Variants in RBFOX3 observed in about 807,000 individuals in gnomAD.
RBFOX3 encodes RNA binding protein fox-1 homolog 3.
Under a neutral mutation model 48.7 loss-of-function variants are expected in RBFOX3, and 17 were observed. The observed-to-expected ratio is 0.35, with a 90% CI of 0.24 to 0.52. RBFOX3 has a LOEUF of 0.52. Among genes scored for constraint, RBFOX3 ranks in the 20% least tolerant of loss-of-function variants. The probability of loss-of-function intolerance (pLI) is 0.94; values close to 1 mark genes in which losing one functional copy is unlikely to be tolerated. For synonymous variants in RBFOX3, 212 were observed against 209.5 expected (o/e 1.01, Z -0.10); for missense variants, 382 against 497.5 (o/e 0.77, Z 2.21).
At chr17:79,236,304 A>G (rs1360275131) in intron 3 of RBFOX3, among the ~76,000 whole-genome samples, 1 of 151,746 alleles carries the variant, frequency 6.6e-6, no homozygotes, top group Non-Finnish European at 1.5e-5. Flanking sequence ...TTATTTATTT[A>G]TTTGTTTTTG....
At position 79,364,379 on chromosome 17, in the gene RBFOX3, C is replaced by T. The variant is rs575622160; in HGVS notation, c.-174-56555G>A. On this transcript the variant is annotated intron_variant, in intron 2 of 14. Coordinates refer to ENST00000693108, the MANE Select transcript of RBFOX3 (RefSeq NM_001350451.2). This position sits in a 1 kb window ranked among gnomAD's most constrained non-coding sequence, Gnocchi z 5.1. ...ACACGCTTGGGTGTTCCTTGAATGACGGGGCTGATGGAGATAAAGCTGCCA... is the reference window on the plus strand; with the variant it reads ...ACACGCTTGGGTGTTCCTTGAATGATGGGGCTGATGGAGATAAAGCTGCCA... 6.6e-5 allele frequency among the ~76,000 whole-genome samples: 10 copies of T among 152,298 alleles called. No homozygotes were observed. The East Asian group carries it at 1.4e-3, about 21-fold the overall frequency.
At chr17:79,548,544 G>C (rs571050833) in intron 1 of RBFOX3, among the ~76,000 whole-genome samples, 41 of 152,334 alleles carry the variant, frequency 2.7e-4, no homozygotes, top group African/African-American at 9.6e-4. Context: ...TGAACTAAGA[G>C]GCTGTCTCAG....
intron 4 of RBFOX3, among the ~76,000 whole-genome samples, chr17:79,122,120 A>ACAAACAGTCCAGTAGCAAACC (rs2035914217): frequency 6.6e-6 from 1 of 152,022 alleles, no homozygotes; most frequent in Non-Finnish European, 1.5e-5. Flanking sequence ...TGGCCCACAC[A>ACAAACAGTCCAGTAGCAAACC]CCACAAACAG....
At chr17:79,246,954 C>T (rs12051619) in intron 3 of RBFOX3, among the ~76,000 whole-genome samples, 71,194 of 152,008 alleles carry the variant, frequency 0.47, 16,818 homozygotes, top group Middle Eastern at 0.61. Flanking sequence ...AGCTGGAGAA[C>T]GCCGGCTTCT....
At chr17:79,224,204 G>A (rs77216373) in intron 4 of RBFOX3, among the ~76,000 whole-genome samples, 360 of 151,786 alleles carry the variant, frequency 2.4e-3, no homozygotes, top group African/African-American at 8.0e-3. Context: ...CCTCCCCACC[G>A]CAGATGCCTC....
chr17:79,092,013 A>T, intron 14 of RBFOX3: 1 of 985,352 alleles, frequency 1.0e-6, no homozygotes, highest in Non-Finnish European at 1.2e-6. Flanking sequence ...GGCAGTGGCT[A>T]CTCCTGTGGT....
At chr17:79,164,283 A>G (rs9897603) in intron 4 of RBFOX3, among the ~76,000 whole-genome samples, 144,942 of 152,266 alleles carry the variant, frequency 0.95, 69,101 homozygotes, top group East Asian at 1. Context: ...AGGTTAGGGC[A>G]TAGTGGGGAG....
At chr17:79,605,761 C>T (rs1291500093) in intron 1 of RBFOX3, among the ~76,000 whole-genome samples, 1 of 152,204 alleles carries the variant, frequency 6.6e-6, no homozygotes, top group Non-Finnish European at 1.5e-5. Flanking sequence ...GTAGCAAGTG[C>T]TTGGCTCTTG....
At chr17:79,606,982 C>T (rs1249481240) in intron 1 of RBFOX3, among the ~76,000 whole-genome samples, 1 of 152,198 alleles carries the variant, frequency 6.6e-6, no homozygotes, top group Non-Finnish European at 1.5e-5. Flanking sequence ...GAGCAACCTT[C>T]TTCAGAGAGG....
At chr17:79,171,337 G>A (rs1270529889) in intron 4 of RBFOX3, among the ~76,000 whole-genome samples, 3 of 152,206 alleles carry the variant, frequency 2.0e-5, no homozygotes, top group East Asian at 1.9e-4. Flanking sequence ...TGCCATCTGC[G>A]GACAGGGCTG....
At chr17:79,264,436 C>T (rs1043453716) in intron 3 of RBFOX3, among the ~76,000 whole-genome samples, 1 of 151,680 alleles carries the variant, frequency 6.6e-6, no homozygotes, top group African/African-American at 2.4e-5. Flanking sequence ...AACTCCTGGG[C>T]TCAAGCGATT....
intron 1 of RBFOX3, among the ~76,000 whole-genome samples, chr17:79,525,655 G>A (rs1233349424): frequency 2.0e-5 from 3 of 152,168 alleles, no homozygotes; most frequent in African/African-American, 7.2e-5. Context: ...GATGTCTAAA[G>A]GAACATTGCT....
At position 79,375,060 on chromosome 17, in the gene RBFOX3, G is replaced by T. The variant is rs567628858; in HGVS notation, c.-174-67236C>A. Among the ~76,000 whole-genome samples, 3 of 152,146 alleles carry T rather than the reference G, an allele frequency of 2.0e-5. No homozygotes were observed. The East Asian group carries it at 5.8e-4, about 29-fold the overall frequency. ...TGCCAGATCCTGGTCCCCTGGGCTC[G>T]CCAAGAGCCAGCACACCAGGTCCCT... On this transcript the variant is annotated intron_variant, in intron 2 of 14. Coordinates refer to ENST00000693108, the MANE Select transcript of RBFOX3 (RefSeq NM_001350451.2).
chr17:79,639,456 G>A, the RBFOX3 span, among the ~76,000 whole-genome samples: 8 of 152,238 alleles, frequency 5.3e-5, no homozygotes, highest in East Asian at 1.9e-4. Flanking sequence ...GATTACAGGC[G>A]TGAGCCACCG....
chr17:79,594,315 G>A (rs1286262792), intron 1 of RBFOX3, among the ~76,000 whole-genome samples: 1 of 152,170 alleles, frequency 6.6e-6, no homozygotes, highest in East Asian at 1.9e-4. Flanking sequence ...CTGTGGAGAC[G>A]GCACTCTGCG....
chr17:79,142,277 G>T (rs1229097740), intron 4 of RBFOX3, among the ~76,000 whole-genome samples: 1 of 152,230 alleles, frequency 6.6e-6, no homozygotes, highest in African/African-American at 2.4e-5. Flanking sequence ...TGCCTCTGGG[G>T]ATGGGGAGGT....
chr17:79,365,312 T>C (rs1390408020), intron 2 of RBFOX3, among the ~76,000 whole-genome samples: 2 of 152,052 alleles, frequency 1.3e-5, no homozygotes, highest in Non-Finnish European at 2.9e-5. Flanking sequence ...GGGGAAAAAA[T>C]AGCATCCCCT....
At chr17:79,326,567 G>T (rs1568046708) in intron 2 of RBFOX3, among the ~76,000 whole-genome samples, 1 of 152,264 alleles carries the variant, frequency 6.6e-6, no homozygotes, top group East Asian at 1.9e-4. Context: ...CCAAGGAGGT[G>T]CCAGGTTTCC....
At chr17:79,545,791 C>G (rs1568400831) in intron 1 of RBFOX3, among the ~76,000 whole-genome samples, 1 of 152,224 alleles carries the variant, frequency 6.6e-6, no homozygotes, top group Non-Finnish European at 1.5e-5. Flanking sequence ...TCACAGCCAC[C>G]AGGACGGTTC....
Sources: allele counts gnomAD v4.1 joint callset (sites outside exome capture counted in the v4.1 genomes callset), GRCh38; gene constraint gnomAD v4.1.1; non-coding constraint Gnocchi (gnomAD v3.1); transcripts MANE v1.5; gene names NCBI Gene and HGNC (gene_info 2026-07-23, HGNC 2026-07-21).